Variants in MMP26 observed in about 807,000 individuals in gnomAD.
The protein encoded by MMP26 is matrix metalloproteinase-26.
A neutral mutation model predicts 31.0 loss-of-function variants in MMP26; 33 were observed. That is an observed-to-expected ratio of 1.06 (90% CI 0.81 to 1.42). The LOEUF is 1.42. Ranked by LOEUF, MMP26 falls within the 40% of genes most tolerant of loss-of-function variation. MMP26 has a pLI of 0.00. For synonymous variants in MMP26, 122 were observed against 114.9 expected, an observed-to-expected ratio of 1.06 and a Z score of -0.40; for missense variants, 347 against 316.1, an observed-to-expected ratio of 1.10 and a Z score of -0.74.
intron 4 of MMP26, 61 bp from the exon 5 acceptor site, chr11:4,990,537 T>A: frequency 6.8e-7 from 1 of 1,463,946 alleles, no homozygotes; most frequent in East Asian, 2.3e-5. Context: ...ATTATTCATG[T>A]TTAGAGCTAG....
At chr11:4,740,937 A>G (rs1848304142) in intron 1 of MMP26, among the ~76,000 whole-genome samples, 1 of 152,174 alleles carries the variant, frequency 6.6e-6, no homozygotes, top group Non-Finnish European at 1.5e-5. Flanking sequence ...TTGAAAGGAC[A>G]ATATTAGCTT....
At chr11:4,746,831 TCACACACACACA>T (rs3223670) in intron 1 of MMP26, among the ~76,000 whole-genome samples, 44 of 137,214 alleles carry the variant, frequency 3.2e-4, no homozygotes, top group Non-Finnish European at 3.9e-4. Flanking sequence ...TAAGTCTCTG[TCACACACACACA>T]CACACACACA....
At chr11:4,781,246 A>C (rs2133431978) in intron 2 of MMP26, among the ~76,000 whole-genome samples, 1 of 152,316 alleles carries the variant, frequency 6.6e-6, no homozygotes, top group East Asian at 1.9e-4. Flanking sequence ...TACACAAAAA[A>C]GGGTTAATTA....
chr11:4,719,326 G>T (rs1347190017), intron 1 of MMP26: 1 of 153,414 alleles, frequency 6.5e-6, no homozygotes, highest in Non-Finnish European at 1.5e-5. Context: ...AAGGAAGAAA[G>T]CCTTCAGCAC....
intron 2 of MMP26, among the ~76,000 whole-genome samples, chr11:4,788,425 A>G (rs12797269): frequency 0.095 from 14,406 of 152,062 alleles, 856 homozygotes; most frequent in Middle Eastern, 0.15. Context: ...ATTCACACAT[A>G]AACAAGGAAA....
At chr11:4,745,390 A>C (rs1213627115) in intron 1 of MMP26, among the ~76,000 whole-genome samples, 1 of 152,230 alleles carries the variant, frequency 6.6e-6, no homozygotes, top group African/African-American at 2.4e-5. Context: ...TCATCCCAGA[A>C]CTAGTAAAAC....
At chr11:4,972,058 C>T (rs7123673) in intron 2 of MMP26, among the ~76,000 whole-genome samples, 77,796 of 151,404 alleles carry the variant, frequency 0.51, 20,494 homozygotes, top group South Asian at 0.64. Flanking sequence ...GACAAATGTC[C>T]AAAGCATGTA....
At position 4,838,211 on chromosome 11, in the gene MMP26, G is replaced by A. The variant is rs943159534; in HGVS notation, c.-145+70870G>A. Among the ~76,000 whole-genome samples the A allele has an allele frequency of 2.0e-4, 30 of 149,602 alleles. 1 individual carries two copies. The highest frequency in any genetic ancestry group is 6.1e-4 in the African/African-American group (25 of 40,832). On this transcript the variant is annotated intron_variant, in intron 2 of 7. Transcript: ENST00000380390. ...TGGGTGCCCGTAGTCCCAGCTACTC[G>A]GGAGGCTGAGGCAGGAGAATGGCAT... is the stretch of plus-strand genomic sequence containing the variant.
rs1275402128 is a variant in MMP26, at chr11:4,964,610, C to A, written c.-144-23458C>A. ...TATAAATTATTCTATTATAAATATA[C>A]GTGCACACATATGTTCATTGCAGTA... On this transcript the variant is annotated intron_variant, in intron 2 of 7. Coordinates refer to ENST00000380390, the MANE Select transcript of MMP26 (RefSeq NM_021801.5). Among the ~76,000 whole-genome samples the A allele has an allele frequency of 2.6e-5, 4 of 152,166 alleles. No individual in the cohort carries two copies. In the East Asian group the frequency reaches 7.7e-4, roughly 29 times the overall value.
At chr11:4,865,303 G>T (rs1390832707) in intron 2 of MMP26, among the ~76,000 whole-genome samples, 13 of 151,914 alleles carry the variant, frequency 8.6e-5, no homozygotes, top group South Asian at 2.1e-4. Context: ...TAGGAAAAAA[G>T]GTGTATTGCC....
At chr11:4,722,273 C>G (rs1434492212) in intron 1 of MMP26, among the ~76,000 whole-genome samples, 1 of 152,154 alleles carries the variant, frequency 6.6e-6, no homozygotes, top group Non-Finnish European at 1.5e-5. Context: ...TCACTGGCAT[C>G]TCTCACTTTA....
At chr11:4,799,537 G>A (rs1188058990) in intron 2 of MMP26, among the ~76,000 whole-genome samples, 1 of 152,104 alleles carries the variant, frequency 6.6e-6, no homozygotes, top group Admixed American at 6.6e-5. Flanking sequence ...GAGATTTGGA[G>A]GGTACAAACA....
intron 1 of MMP26, among the ~76,000 whole-genome samples, chr11:4,717,197 T>G (rs1847945939): frequency 6.6e-6 from 1 of 152,232 alleles, no homozygotes; most frequent in South Asian, 2.1e-4. Flanking sequence ...TCTTATTATT[T>G]GTTTGTTTGC....
Position 4,918,964 on chromosome 11 carries a change from G to A in MMP26, c.-144-69104G>A, listed in dbSNP as rs150620000. On this transcript the variant is annotated intron_variant, in intron 2 of 7. Coordinates refer to ENST00000380390, the MANE Select transcript of MMP26 (RefSeq NM_021801.5). ...ATGTTGACCTTTAATAACCGAGCTC[G>A]TTTCATGCCTGCATGACAATTTTGC... Among the ~76,000 whole-genome samples the A allele has an allele frequency of 5.6e-4, 85 of 152,270 alleles. 2 individuals are homozygous for A. The highest frequency in any genetic ancestry group is 1.7e-3 in the African/African-American group (70 of 41,544).
intron 2 of MMP26, chr11:4,875,914 T>C (rs1378912100): frequency 6.6e-6 from 1 of 152,170 alleles, no homozygotes; most frequent in Non-Finnish European, 1.5e-5. Flanking sequence ...ATCCCTTTAG[T>C]ACTCACAGAC....
intron 1 of MMP26, among the ~76,000 whole-genome samples, chr11:4,732,853 T>C (rs928594620): frequency 1.3e-5 from 2 of 152,268 alleles, no homozygotes; most frequent in Admixed American, 1.3e-4. Flanking sequence ...ACATTTTGTA[T>C]ATTCATTTTT....
chr11:4,762,138 A>C (rs920414404), intron 1 of MMP26, among the ~76,000 whole-genome samples: 3 of 152,210 alleles, frequency 2.0e-5, no homozygotes, highest in African/African-American at 7.2e-5. Flanking sequence ...ATAAGTACTG[A>C]TGAATACCAT....
intron 2 of MMP26, among the ~76,000 whole-genome samples, chr11:4,977,742 G>A (rs2133637793): frequency 6.6e-6 from 1 of 152,114 alleles, no homozygotes; most frequent in Admixed American, 6.5e-5. Context: ...ATGACTCAAA[G>A]TCCCCTACAC....
At chr11:4,912,780 T>A (rs1263995879) in intron 2 of MMP26, 1 of 152,190 alleles carries the variant, frequency 6.6e-6, no homozygotes, top group Non-Finnish European at 1.5e-5. Context: ...TTAATTACAT[T>A]GTTTTTTAAA....
Sources: allele counts gnomAD v4.1 joint callset (sites outside exome capture counted in the v4.1 genomes callset), GRCh38; gene constraint gnomAD v4.1.1; transcripts MANE v1.5; gene names NCBI Gene and HGNC (gene_info 2026-07-23, HGNC 2026-07-21).